Variants in KCND2 observed in about 807,000 individuals in gnomAD.
KCND2 encodes A-type voltage-gated potassium channel KCND2.
KCND2 carries 16 observed loss-of-function variants against 54.4 expected under a neutral mutation model. That is an observed-to-expected ratio of 0.29 (90% CI 0.20 to 0.45). KCND2 has a LOEUF of 0.45. KCND2 is among the 20% of genes least tolerant of loss of function. The pLI is 1.00. For missense variants in KCND2, 486 were observed against 824.2 expected, an observed-to-expected ratio of 0.59 and a Z score of 5.02; for synonymous variants, 317 against 310.7, an observed-to-expected ratio of 1.02 and a Z score of -0.21.
intron 1 of KCND2, among the ~76,000 whole-genome samples, chr7:120,594,301 C>T (rs1792707058): frequency 6.6e-6 from 1 of 152,152 alleles, no homozygotes; most frequent in Non-Finnish European, 1.5e-5. Context: ...AGTGGAACCC[C>T]CTTGTCTGTA....
chr7:120,290,094 T>C (rs1222974330), intron 1 of KCND2, among the ~76,000 whole-genome samples: 1 of 152,128 alleles, frequency 6.6e-6, no homozygotes, highest in Non-Finnish European at 1.5e-5. Context: ...CTTCACACTT[T>C]AGTTAAAATC....
In KCND2 at chr7:120,349,327, AACACACACACACAC is replaced by A. The variant is rs145626165; in HGVS notation, c.1115+73590_1115+73603del. 5.9e-4 allele frequency among the ~76,000 whole-genome samples: 85 copies of A among 144,542 alleles called. 1 individual carries two copies. Among genetic ancestry groups the A allele is most frequent in the African/African-American group, 1.9e-3 (74 of 38,558 alleles). The allele number at this position is 144,542 out of a possible 152,430, so 94.8% of individuals were successfully genotyped here. Reference sequence around the variant, plus strand: ...ACACACAAACACACACACACACACAAACACACACACACACACACACACAGACACACGAGGATGCT... The same window carrying A: ...ACACACAAACACACACACACACACAAACACACACAGACACACGAGGATGCT... On this transcript the variant is annotated intron_variant, in intron 1 of 5. Coordinates refer to ENST00000331113, the MANE Select transcript of KCND2 (RefSeq NM_012281.3).
At chr7:120,696,357 G>A (rs1207160590) in intron 1 of KCND2, among the ~76,000 whole-genome samples, 1 of 152,130 alleles carries the variant, frequency 6.6e-6, no homozygotes, top group Non-Finnish European at 1.5e-5. Context: ...TCATTCCCAT[G>A]GCCAATTAGG....
At chr7:120,301,254 A>G (rs926164192) in intron 1 of KCND2, among the ~76,000 whole-genome samples, 9 of 152,170 alleles carry the variant, frequency 5.9e-5, no homozygotes, top group African/African-American at 2.2e-4. Flanking sequence ...TTCATTTTAC[A>G]TAGTCTATGC....
chr7:120,645,522 A>G (rs912321034), intron 1 of KCND2, among the ~76,000 whole-genome samples: 2 of 152,078 alleles, frequency 1.3e-5, no homozygotes, highest in Non-Finnish European at 2.9e-5. Flanking sequence ...GGCTGGCCAC[A>G]TGACAAGTGG....
intron 1 of KCND2, among the ~76,000 whole-genome samples, chr7:120,573,490 A>G (rs564233594): frequency 1.8e-4 from 27 of 152,274 alleles, no homozygotes; most frequent in African/African-American, 6.3e-4. Flanking sequence ...GTGTTTCCCA[A>G]CTTGCATTTT....
chr7:120,444,198 A>C (rs1256953022), intron 1 of KCND2, among the ~76,000 whole-genome samples: 1 of 152,044 alleles, frequency 6.6e-6, no homozygotes, highest in East Asian at 1.9e-4. Context: ...CATAATTTCC[A>C]CTTAAAATTG....
At chr7:120,411,796 A>ATAGTACATT (rs1436539073) in intron 1 of KCND2, among the ~76,000 whole-genome samples, 7 of 151,954 alleles carry the variant, frequency 4.6e-5, no homozygotes, top group Admixed American at 4.6e-4. Context: ...TATTGGAAAT[A>ATAGTACATT]TAGTACATTT....
chr7:120,444,950 T>C (rs1369503517), intron 1 of KCND2, among the ~76,000 whole-genome samples: 1 of 152,116 alleles, frequency 6.6e-6, no homozygotes, highest in Non-Finnish European at 1.5e-5. Flanking sequence ...CTTTTCATGG[T>C]GTGTGCTTTT....
intron 1 of KCND2, among the ~76,000 whole-genome samples, chr7:120,662,377 G>C (rs938615965): frequency 1.3e-5 from 2 of 151,990 alleles, no homozygotes. Flanking sequence ...TATAACAATT[G>C]TCATTTTTAT....
chr7:120,452,933 GC>G (rs1802138420), intron 1 of KCND2, among the ~76,000 whole-genome samples: 1 of 152,102 alleles, frequency 6.6e-6, no homozygotes. Flanking sequence ...CTCTCCTGGG[GC>G]CCCAACCTGG....
chr7:120,392,520 C>T (rs1001222400), intron 1 of KCND2, among the ~76,000 whole-genome samples: 1 of 151,074 alleles, frequency 6.6e-6, no homozygotes, highest in Non-Finnish European at 1.5e-5. Flanking sequence ...GAATAAAAAC[C>T]TTACTTTTCT....
intron 2 of KCND2, among the ~76,000 whole-genome samples, chr7:120,737,792 G>A (rs1376644588): frequency 6.6e-6 from 1 of 152,004 alleles, no homozygotes; most frequent in Non-Finnish European, 1.5e-5. Flanking sequence ...AGGGAGTGTG[G>A]AGGCAGGCAT....
At chr7:120,649,465 A>G (rs570294917) in intron 1 of KCND2, among the ~76,000 whole-genome samples, 1 of 152,336 alleles carries the variant, frequency 6.6e-6, no homozygotes, top group African/African-American at 2.4e-5. Context: ...CCCATTCTGT[A>G]GGTTGCCTGT....
intron 1 of KCND2, among the ~76,000 whole-genome samples, chr7:120,277,468 T>C (rs1799194175): frequency 6.6e-6 from 1 of 152,170 alleles, no homozygotes; most frequent in African/African-American, 2.4e-5. Context: ...ATAAAAAAGA[T>C]TCTGTTTTAA....
chr7:120,643,814 A>G (rs1425913197), intron 1 of KCND2, among the ~76,000 whole-genome samples: 1 of 151,694 alleles, frequency 6.6e-6, no homozygotes, highest in Non-Finnish European at 1.5e-5. Context: ...AAAAATTGCT[A>G]CTTACTCTCA....
At chr7:120,505,738 C>T (rs1562858039) in intron 1 of KCND2, among the ~76,000 whole-genome samples, 2 of 151,630 alleles carry the variant, frequency 1.3e-5, no homozygotes, top group South Asian at 4.2e-4. Context: ...GAATTCTGGA[C>T]TCAGAGTCAG....
At chr7:120,716,371 G>A (rs1280000646) in intron 1 of KCND2, among the ~76,000 whole-genome samples, 2 of 151,948 alleles carry the variant, frequency 1.3e-5, no homozygotes, top group East Asian at 1.9e-4. Flanking sequence ...TGTTTATTAG[G>A]TTCTTTGCTC....
At chr7:120,508,835 T>G (rs987708043) in intron 1 of KCND2, among the ~76,000 whole-genome samples, 1 of 151,610 alleles carries the variant, frequency 6.6e-6, no homozygotes, top group Non-Finnish European at 1.5e-5. Context: ...GCAAAATAGA[T>G]GAATCCACTT....
Sources: allele counts gnomAD v4.1 joint callset (sites outside exome capture counted in the v4.1 genomes callset), GRCh38; gene constraint gnomAD v4.1.1; transcripts MANE v1.5; gene names NCBI Gene and HGNC (gene_info 2026-07-23, HGNC 2026-07-21).